The following USP9X variants were observed in gnomAD, a reference collection of about 807,000 sequenced individuals.
USP9X encodes the protein ubiquitin carboxyl-terminal hydrolase 9X.
In USP9X, 7 loss-of-function variants were observed where a neutral mutation model predicts 190.3. That is an observed-to-expected ratio of 0.04 (90% CI 0.02 to 0.07). The LOEUF (loss-of-function observed/expected upper bound fraction) is 0.07, where lower values mean the gene tolerates loss of function less well. Among genes scored for constraint, USP9X ranks in the 10% least tolerant of loss-of-function variants. The probability of loss-of-function intolerance (pLI) is 1.00; values close to 1 mark genes in which losing one functional copy is unlikely to be tolerated. For synonymous variants in USP9X, 645 were observed against 659.5 expected (o/e 0.98, Z 0.34); for missense variants, 1,010 against 1,916.9 (o/e 0.53, Z 8.83).
chrX:41,229,543 A>G lies in USP9X; in HGVS notation c.7219-24A>G, dbSNP rs369877309. On this transcript the variant is annotated intron_variant, in intron 42 of 44. Transcript: ENST00000378308. Reference sequence around the variant, plus strand: ...TGAAGTATTCCAAATCCTCTTATCTATATGGTTTTATTTTCTTTTGCAGGG... The same window carrying G: ...TGAAGTATTCCAAATCCTCTTATCTGTATGGTTTTATTTTCTTTTGCAGGG... 21 of 1,203,752 alleles carry G rather than the reference A, an allele frequency of 1.7e-5. No individual in the cohort carries two copies. In the African/African-American group the frequency reaches 3.3e-4, roughly 19 times the overall value.
At chrX:41,169,369 C>T (rs1424315583) in intron 18 of USP9X, among the ~76,000 whole-genome samples, 1 of 111,696 alleles carries the variant, frequency 9.0e-6, no homozygotes, top group Non-Finnish European at 1.9e-5. Flanking sequence ...TTAGTAGACA[C>T]CTCATTTTCT....
intron 2 of USP9X, among the ~76,000 whole-genome samples, chrX:41,124,921 G>GT (rs2062223423): frequency 8.9e-6 from 1 of 111,923 alleles, no homozygotes; most frequent in Non-Finnish European, 1.9e-5. Flanking sequence ...TGGTATTAAG[G>GT]TTTTATGCTG....
intron 32 of USP9X, among the ~76,000 whole-genome samples, chrX:41,205,887 C>CTTTTTTTTTTTTTTT (rs751427663): frequency 1.1e-5 from 1 of 87,147 alleles, no homozygotes; most frequent in African/African-American, 4.1e-5. Context: ...TTTTCTTTTT[C>CTTTTTTTTTTTTTTT]TTTTTTTCTT....
chrX:41,211,136 C>CATT (rs2063154336), intron 33 of USP9X, among the ~76,000 whole-genome samples: 1 of 111,772 alleles, frequency 8.9e-6, no homozygotes, highest in Non-Finnish European at 1.9e-5. Context: ...GGACTACAGG[C>CATT]ATGTGCCACC....
intron 30 of USP9X, among the ~76,000 whole-genome samples, chrX:41,200,089 T>A (rs779713629): frequency 1.8e-5 from 2 of 112,469 alleles, no homozygotes; most frequent in African/African-American, 6.5e-5. Flanking sequence ...GTCAAATTAC[T>A]TTTTGATGTG....
chrX:41,178,562 T>C (rs979773935), intron 21 of USP9X, among the ~76,000 whole-genome samples: 11 of 112,114 alleles, frequency 9.8e-5, no homozygotes, highest in Non-Finnish European at 2.1e-4. Flanking sequence ...TTTTGCCCAT[T>C]TTAAAAATCG....
chrX:41,212,459 T>TAAA (rs10658085), intron 33 of USP9X, among the ~76,000 whole-genome samples: 11 of 66,686 alleles, frequency 1.6e-4, no homozygotes, highest in Admixed American at 5.8e-4. Flanking sequence ...AATGATCAAT[T>TAAA]AAAAAAAAAA....
At chrX:41,161,739 T>A (rs751368541) in intron 14 of USP9X, among the ~76,000 whole-genome samples, 11 of 97,992 alleles carry the variant, frequency 1.1e-4, no homozygotes, top group Non-Finnish European at 2.2e-4. Context: ...ACTCCTGGGC[T>A]CAAACCATCC....
intron 33 of USP9X, 98 bp from the exon 34 acceptor site, chrX:41,214,464 TAAAGTA>T: frequency 1.2e-6 from 1 of 804,497 alleles, no homozygotes; most frequent in Non-Finnish European, 1.7e-6. Context: ...CCCTAGAACT[TAAAGTA>T]TAATTTAAAA....
chrX:41,228,239 T>C (rs1411253577), intron 41 of USP9X, among the ~76,000 whole-genome samples: 1 of 112,362 alleles, frequency 8.9e-6, no homozygotes. Flanking sequence ...CTGAATAATA[T>C]TTTGTTTTAT....
intron 34 of USP9X, among the ~76,000 whole-genome samples, chrX:41,215,009 AC>A (rs1413980466): frequency 1.8e-5 from 2 of 112,099 alleles, no homozygotes; most frequent in African/African-American, 6.5e-5. Flanking sequence ...TTCCATCTCT[AC>A]CGAGAAACAA....
At chrX:41,197,635 ATCTT>A (rs1474058293) in intron 29 of USP9X, 125 bp downstream of exon 29, 4 of 625,211 alleles carry the variant, frequency 6.4e-6, no homozygotes, top group Non-Finnish European at 9.0e-6. Context: ...TTTTTTAAGA[ATCTT>A]TATCAAATTT....
At chrX:41,105,172 A>G (rs760417482) in intron 1 of USP9X, among the ~76,000 whole-genome samples, 3 of 111,601 alleles carry the variant, frequency 2.7e-5, no homozygotes, top group South Asian at 7.5e-4. Flanking sequence ...AACTGCGTAC[A>G]TACTTCTGAG....
At chrX:41,194,746 C>G (rs779720840) in intron 26 of USP9X, among the ~76,000 whole-genome samples, 1 of 110,708 alleles carries the variant, frequency 9.0e-6, no homozygotes, top group Admixed American at 9.6e-5. Context: ...CAAGAAAGCC[C>G]CTACCCTTAA....
chrX:41,156,826 T>C (rs1328267564), intron 14 of USP9X, among the ~76,000 whole-genome samples: 1 of 111,687 alleles, frequency 9.0e-6, no homozygotes, highest in Non-Finnish European at 1.9e-5. Flanking sequence ...AAGGGTATTA[T>C]CACAAATGGA....
chrX:41,201,785 A>G (rs1473761751), intron 31 of USP9X, among the ~76,000 whole-genome samples: 1 of 112,108 alleles, frequency 8.9e-6, no homozygotes, highest in Non-Finnish European at 1.9e-5. Context: ...AGCCTGGCCA[A>G]CATAGTGAAA....
intron 26 of USP9X, among the ~76,000 whole-genome samples, chrX:41,195,138 G>A (rs764066987): frequency 2.7e-5 from 3 of 110,097 alleles, no homozygotes; most frequent in South Asian, 7.9e-4. Flanking sequence ...CCGGGTTCAA[G>A]CAATTGTCCT....
intron 1 of USP9X, among the ~76,000 whole-genome samples, chrX:41,103,452 C>T (rs773251475): frequency 7.8e-4 from 87 of 111,630 alleles, no homozygotes; most frequent in African/African-American, 2.6e-3. Context: ...CAAATGATGT[C>T]ACAGGATACT....
intron 12 of USP9X, 152 bp from the exon 13 acceptor site, chrX:41,150,769 A>G: frequency 1.7e-6 from 1 of 579,174 alleles, no homozygotes; most frequent in Admixed American, 4.8e-5. Context: ...AGCTTTTATT[A>G]TTTAAATTAA....
Sources: gnomAD v4.1 joint callset for allele counts (sites outside exome capture counted in the v4.1 genomes callset) on GRCh38, gnomAD v4.1.1 for gene constraint, MANE v1.5 for transcripts, NCBI Gene and HGNC (gene_info 2026-07-23, HGNC 2026-07-21) for gene names.